SYNM: variants seen among roughly 807,000 people sequenced by gnomAD.
SYNM encodes synemin.
SYNM carries 95 observed loss-of-function variants against 104.0 expected under a neutral mutation model. That is an observed-to-expected ratio of 0.91 (90% CI 0.77 to 1.08). SYNM has a LOEUF of 1.08. Ranked by LOEUF, SYNM falls within the 50% of genes least tolerant of loss-of-function variation. SYNM has a pLI of 0.00. For synonymous variants in SYNM, 918 were observed against 869.0 expected (o/e 1.06, Z -0.99); for missense variants, 2,150 against 2,052.2 (o/e 1.05, Z -0.92).
In SYNM at chr15:99,105,500, GA is replaced by G; in HGVS notation, c.302del (p.Glu101GlyfsTer52). 7.7e-7 allele frequency: 1 copy of G among 1,299,152 alleles called. No individual in the cohort carries two copies. The highest frequency in any genetic ancestry group is 9.7e-7 in the Non-Finnish European group (1 of 1,027,590). 80.5% of individuals were successfully genotyped at this position (1,299,152 alleles called of 1,614,324 possible). On this transcript the variant is annotated frameshift_variant, in exon 1 of 4. Coordinates refer to ENST00000336292, the MANE Select transcript of SYNM (RefSeq NM_145728.3). LOFTEE classifies it high-confidence loss of function. Reference sequence around the variant, plus strand: ...GCGGGAGCTGCAGCGCCTGGATGCGGAGGAGCGCGCCGCCCGCGGCCGCCTG... The same window carrying G: ...GCGGGAGCTGCAGCGCCTGGATGCGGGGAGCGCGCCGCCCGCGGCCGCCTG... The part of the protein sequence containing the change: ...ELRELQRLDA[E>X]ERAARGRLDA...
chr15:99,113,790 G>A, intron 2 of SYNM, 75 bp downstream of exon 2: 8 of 1,569,232 alleles, frequency 5.1e-6, no homozygotes, highest in Non-Finnish European at 6.9e-6. Flanking sequence ...ACTGGTCTAG[G>A]GACCGTAGCC....
Position 99,132,756 on chromosome 15 carries a change from G to A in SYNM, c.4396G>A (p.Val1466Met). The change falls in exon 4 of 4, where the codon GTG becomes ATG. Residue 1466 changes from valine to methionine, a missense_variant. Val to Met is a conservative substitution (Grantham distance 21, BLOSUM62 1). Transcript: ENST00000336292. ...KETSFTFQMD[V>M]SNVEAIRSRT... is the part of the protein sequence containing the mutation. ...AACTTCGTTTACCTTTCAGATGGAT[G>A]TGAGTAACGTAGAGGCGATCCGCAG... 1.2e-6 allele frequency: 2 copies of A among 1,613,984 alleles called. No individual in the cohort carries two copies. The highest frequency in any genetic ancestry group is 1.7e-6 in the Non-Finnish European group (2 of 1,179,892).
intron 1 of SYNM, among the ~76,000 whole-genome samples, chr15:99,111,649 A>G (rs2067300793): frequency 6.6e-6 from 1 of 152,364 alleles, no homozygotes; most frequent in South Asian, 2.1e-4. Context: ...AAACTACTTC[A>G]GGACCCTTTA....
chr15:99,108,611 A>G (rs1447635252), intron 1 of SYNM, among the ~76,000 whole-genome samples: 2 of 152,220 alleles, frequency 1.3e-5, no homozygotes, highest in Admixed American at 6.5e-5. Context: ...GCCAGGTACC[A>G]CAGATGCCCT....
Position 99,105,570 on chromosome 15 carries a change from T to C in SYNM, c.371T>C (p.Leu124Pro). 8.6e-7 allele frequency: 1 copy of C among 1,164,034 alleles called. No individual in the cohort carries two copies. Among genetic ancestry groups the C allele is most frequent in the Non-Finnish European group, 1.1e-6 (1 of 947,612 alleles). The allele number at this position is 1,164,034 out of a possible 1,614,324, so 72.1% of individuals were successfully genotyped here. A position where few individuals can be genotyped will look rare whatever the true frequency, so the allele number is the denominator to read the frequency against. The stretch of plus-strand genomic sequence containing the variant: ...CAGCAGCGCGAGCTGCAGGAGGCGC[T>C]GGGCGCGCGCGCCGCCCTCGAGGCG... ...GAQQRELQEALGARAALEALL... is the reference protein window; with the variant it reads ...GAQQRELQEAPGARAALEALL... The change falls in exon 1 of 4, where the codon CTG becomes CCG. Residue 124 changes from leucine (L) to proline (P), a missense_variant. By Grantham distance (98) the Leu-to-Pro change is moderately conservative. Transcript: ENST00000336292.
intron 2 of SYNM, among the ~76,000 whole-genome samples, chr15:99,121,769 A>G (rs2067403613): frequency 6.6e-6 from 1 of 152,228 alleles, no homozygotes; most frequent in Admixed American, 6.5e-5. Context: ...AAAGATACTC[A>G]ATATTGAAAC....
chr15:99,127,908 T>C (rs1387384097), intron 3 of SYNM, among the ~76,000 whole-genome samples: 1 of 152,112 alleles, frequency 6.6e-6, no homozygotes, highest in Non-Finnish European at 1.5e-5. Context: ...AGACCAACAG[T>C]CTAAGCCAGG....
chr15:99,126,305 TG>T (rs1262128075), intron 2 of SYNM, among the ~76,000 whole-genome samples: 8 of 152,176 alleles, frequency 5.3e-5, no homozygotes, highest in Non-Finnish European at 1.2e-4. Context: ...AAGAACCCAG[TG>T]GGGGGTGTAG....
In SYNM at chr15:99,132,995, A is replaced by G. The variant is rs1555486260; in HGVS notation, c.4635A>G (p.Glu1545=). Residue 1545 remains glutamate (E), a synonymous_variant, in exon 4 of 4, where the codon GAA becomes GAG. Coordinates refer to ENST00000336292, the MANE Select transcript of SYNM (RefSeq NM_145728.3). ...ACCAAAGGTCGGTGATTTCAGATGA[A>G]AAGAAAGTTGCCCTCCTCTATCTAG... ...MVDQRSVISD[E]KKVALLYLDN... 2 of 1,613,906 alleles carry G rather than the reference A, an allele frequency of 1.2e-6. No homozygotes were observed. The highest frequency in any genetic ancestry group is 8.5e-7 in the Non-Finnish European group (1 of 1,179,880).
chr15:99,131,599 G>A lies in SYNM; in HGVS notation c.3239G>A (p.Ser1080Asn), dbSNP rs2067508785. ...TRELYIPSGE[S>N]EVAGGASHSS... Reference sequence around the variant, plus strand: ...GAGCTGTACATCCCTTCAGGCGAGAGCGAGGTTGCTGGTGGGGCCTCTCAC... The same window carrying A: ...GAGCTGTACATCCCTTCAGGCGAGAACGAGGTTGCTGGTGGGGCCTCTCAC... The change falls in exon 4 of 4, where the codon AGC becomes AAC. Residue 1080 changes from serine to asparagine, a missense_variant. Coordinates refer to ENST00000336292, the MANE Select transcript of SYNM (RefSeq NM_145728.3). The surrounding 1 kb of genome is among the most constrained non-coding windows in gnomAD (Gnocchi z 4.3). 1 of 1,610,264 alleles carries A rather than the reference G, an allele frequency of 6.2e-7. No homozygotes were observed. The highest frequency in any genetic ancestry group is 8.5e-7 in the Non-Finnish European group (1 of 1,179,744).
In SYNM at chr15:99,132,599, C is replaced by T. The variant is rs2067522723; in HGVS notation, c.4239C>T (p.Thr1413=). Residue 1413 remains threonine, a synonymous_variant, in exon 4 of 4, where the codon ACC becomes ACT. Coordinates refer to ENST00000336292, the MANE Select transcript of SYNM (RefSeq NM_145728.3). ...HIRLGPTETE[T]SEHIAIRGPV... ...GACTAGGTCCTACAGAAACGGAAAC[C>T]TCTGAACACATTGCCATCCGTGGAC... The T allele has an allele frequency of 6.2e-7, 1 of 1,613,902 alleles. No homozygotes were observed. The highest frequency in any genetic ancestry group is 1.7e-5 in the Admixed American group (1 of 60,012).
intron 2 of SYNM, among the ~76,000 whole-genome samples, chr15:99,118,876 C>G (rs1479452739): frequency 6.6e-6 from 1 of 152,178 alleles, no homozygotes; most frequent in African/African-American, 2.4e-5. Context: ...ACCATCCCTC[C>G]CTTTCCTCCT....
chr15:99,115,766 T>G (rs2151801780), intron 2 of SYNM, among the ~76,000 whole-genome samples: 1 of 152,334 alleles, frequency 6.6e-6, no homozygotes, highest in South Asian at 2.1e-4. Context: ...CCGGCCCTGA[T>G]CAGGATTTTT....
Position 99,132,441 on chromosome 15 carries a change from G to T in SYNM, c.4081G>T (p.Gly1361Cys). ...CCAGGCCACTCACAGTCATACCTCG[G>T]GTAGACAAACCGTTATGACTGAAAA... ...VHQATHSHTSGRQTVMTEKST... is the reference protein window; with the variant it reads ...VHQATHSHTSCRQTVMTEKST... The change falls in exon 4 of 4, where the codon GGT becomes TGT. Residue 1361 changes from glycine (G) to cysteine (C), a missense_variant. Gly to Cys is a radical substitution (Grantham distance 159). Transcript: ENST00000336292. 4 of 1,613,998 alleles carry T rather than the reference G, an allele frequency of 2.5e-6. No individual in the cohort carries two copies. The highest frequency in any genetic ancestry group is 3.4e-6 in the Non-Finnish European group (4 of 1,179,900).
At chr15:99,126,025 T>C (rs1360863418) in intron 2 of SYNM, among the ~76,000 whole-genome samples, 3 of 152,248 alleles carry the variant, frequency 2.0e-5, no homozygotes, top group Non-Finnish European at 4.4e-5. Context: ...TGTTGGGTAC[T>C]TCTCACCATT....
chr15:99,141,514 TTTG>T, the SYNM span, among the ~76,000 whole-genome samples: 1 of 152,186 alleles, frequency 6.6e-6, no homozygotes, highest in Non-Finnish European at 1.5e-5. Flanking sequence ...TTCAAAGGTC[TTTG>T]TTATGTTATC....
chr15:99,128,462 T>C (rs935295814), intron 3 of SYNM, among the ~76,000 whole-genome samples: 5 of 152,242 alleles, frequency 3.3e-5, no homozygotes, highest in African/African-American at 4.8e-5. Context: ...GAAAATGTCC[T>C]GGCCTGGTCT....
rs782095378 is a variant in SYNM, at chr15:99,131,131, A to G, written c.2771A>G (p.Glu924Gly). ...TTTCATGCCGAACCCACAGTCATTG[A>G]AAAAGAAATTAAAATACCCCACGAA... is the stretch of plus-strand genomic sequence containing the variant. ...GEFHAEPTVI[E>G]KEIKIPHEFH... Residue 924 changes from glutamate (E) to glycine (G), a missense_variant, in exon 4 of 4, where the codon GAA (glutamate) becomes GGA (glycine). Transcript: ENST00000336292. This position sits in a 1 kb window ranked among gnomAD's most constrained non-coding sequence, Gnocchi z 4.3. 3.7e-6 allele frequency: 6 copies of G among 1,600,274 alleles called. No individual in the cohort carries two copies. In the South Asian group the frequency reaches 6.8e-5, roughly 18 times the overall value.
At chr15:99,141,584 TG>T in the SYNM span, among the ~76,000 whole-genome samples, 1 of 152,204 alleles carries the variant, frequency 6.6e-6, no homozygotes, top group African/African-American at 2.4e-5. Flanking sequence ...TCGGATGAAT[TG>T]TGCTACATAA....
Sources: allele counts gnomAD v4.1 joint callset (sites outside exome capture counted in the v4.1 genomes callset), GRCh38; gene constraint gnomAD v4.1.1; non-coding constraint Gnocchi (gnomAD v3.1); transcripts MANE v1.5; gene names NCBI Gene and HGNC (gene_info 2026-07-23, HGNC 2026-07-21).